Variants in ZSCAN2 observed in about 807,000 individuals in gnomAD.
The protein encoded by ZSCAN2 is zinc finger and SCAN domain-containing protein 2.
ZSCAN2 carries 26 observed loss-of-function variants against 47.8 expected under a neutral mutation model. The ratio of observed to expected loss-of-function variants is 0.54; its 90% CI spans 0.40 to 0.75. The LOEUF is 0.75. Ranked by LOEUF, ZSCAN2 falls within the 30% of genes least tolerant of loss-of-function variation. The pLI, the probability that ZSCAN2 is intolerant of heterozygous loss-of-function variation, is 0.00. For synonymous variants in ZSCAN2, 305 were observed against 288.7 expected (o/e 1.06, Z -0.57); for missense variants, 732 against 785.4 (o/e 0.93, Z 0.81).
intron 2 of ZSCAN2, among the ~76,000 whole-genome samples, chr15:84,609,961 GAA>G (rs1284448579): frequency 6.6e-6 from 1 of 152,246 alleles, no homozygotes; most frequent in Non-Finnish European, 1.5e-5. Context: ...GTGCGGGAGA[GAA>G]AGAGGAGGCC....
intron 1 of ZSCAN2, chr15:84,602,082 T>C (rs1001339457): frequency 6.6e-6 from 1 of 151,450 alleles, no homozygotes; most frequent in Non-Finnish European, 1.5e-5. Context: ...GCCTCCGGAG[T>C]AGCTGGGATT....
At chr15:84,605,212 C>T (rs1017436486) in intron 2 of ZSCAN2, among the ~76,000 whole-genome samples, 1 of 152,168 alleles carries the variant, frequency 6.6e-6, no homozygotes, top group Admixed American at 6.5e-5. Context: ...GGGATTCTGG[C>T]TTGCCGTTTA....
intron 2 of ZSCAN2, among the ~76,000 whole-genome samples, chr15:84,608,902 C>T (rs1895463613): frequency 6.6e-6 from 1 of 152,202 alleles, no homozygotes; most frequent in South Asian, 2.1e-4. Flanking sequence ...CCCGCTGAAG[C>T]AAATTTGCAT....
chr15:84,602,014 C>A (rs1895219487), intron 1 of ZSCAN2: 1 of 144,858 alleles, frequency 6.9e-6, no homozygotes, highest in Non-Finnish European at 1.5e-5. Flanking sequence ...AGTGCAATGG[C>A]CTGATCTCCG....
intron 2 of ZSCAN2, among the ~76,000 whole-genome samples, chr15:84,612,559 C>T (rs1895580973): frequency 6.6e-6 from 1 of 152,036 alleles, no homozygotes; most frequent in African/African-American, 2.4e-5. Flanking sequence ...ACGGTGAAAC[C>T]CTGTCTCTAC....
At chr15:84,601,229 T>G (rs1895191837) in intron 1 of ZSCAN2, 94 bp downstream of exon 1, 1 of 152,424 alleles carries the variant, frequency 6.6e-6, no homozygotes, top group African/African-American at 2.4e-5. Flanking sequence ...CCGGCAGCTC[T>G]GCTGGGGGAG....
chr15:84,621,279 T>C lies in ZSCAN2; in HGVS notation c.1084T>C (p.Tyr362His). 6.2e-7 allele frequency: 1 copy of C among 1,613,814 alleles called. No individual in the cohort carries two copies. Among genetic ancestry groups the C allele is most frequent in the South Asian group, 1.1e-5 (1 of 91,068 alleles). ...HQGIHTGEKP[Y>H]ECKECGESFS... ...GGGGATCCACACTGGAGAAAAGCCC[T>C]ACGAATGTAAAGAATGCGGCGAAAG... The change falls in exon 3 of 3, where the codon TAC (tyrosine) becomes CAC (histidine). Residue 362 changes from tyrosine to histidine, a missense_variant. Tyr to His is a moderately conservative substitution (Grantham distance 83). Transcript: ENST00000546148. This position sits in a 1 kb window ranked among gnomAD's most constrained non-coding sequence, Gnocchi z 5.7.
chr15:84,618,411 C>G (rs964520628), intron 2 of ZSCAN2, among the ~76,000 whole-genome samples: 50 of 152,088 alleles, frequency 3.3e-4, no homozygotes, highest in African/African-American at 1.2e-3. Flanking sequence ...AAGTGAGACT[C>G]TGTCTTAAAA....
Position 84,620,708 on chromosome 15 carries a change from C to G in ZSCAN2, c.513C>G (p.His171Gln). The G allele has an allele frequency of 6.2e-7, 1 of 1,614,238 alleles. No homozygotes were observed. Among genetic ancestry groups the G allele is most frequent in the Non-Finnish European group, 8.5e-7 (1 of 1,180,054 alleles). ...TGCCTGAAGGTGAAAGTGCTCAGCA[C>G]TCCGATGGGGAAAGTGACTTTGAGA... ...SEMPEGESAQ[H>Q]SDGESDFERD... The change falls in exon 3 of 3, where the codon CAC becomes CAG. Residue 171 changes from histidine to glutamine, a missense_variant. Physicochemically the swap from His to Gln is conservative, Grantham distance 24. Around this residue, in one of 2 missense-constraint regions of ZSCAN2, gnomAD observed 320 missense variants for 287.4 expected, o/e 1.11. Coordinates refer to ENST00000546148, the MANE Select transcript of ZSCAN2 (RefSeq NM_181877.4).
At position 84,621,941 on chromosome 15, in the gene ZSCAN2, G is replaced by A. The variant is rs1277823704; in HGVS notation, c.1746G>A (p.Gly582=). Residue 582 remains glycine (G), a synonymous_variant, in exon 3 of 3, where the codon GGG becomes GGA. Transcript: ENST00000546148. This position sits in a 1 kb window ranked among gnomAD's most constrained non-coding sequence, Gnocchi z 5.7. Reference sequence around the variant, plus strand: ...TTATACATCAGCGAATCCACACTGGGGAGAAGCCCTACAAATGCCCCGAGT... The same window carrying A: ...TTATACATCAGCGAATCCACACTGGAGAGAAGCCCTACAAATGCCCCGAGT... ...VLIIHQRIHT[G]EKPYKCPECG... The A allele has an allele frequency of 6.2e-7, 1 of 1,613,214 alleles. No individual in the cohort carries two copies. Among genetic ancestry groups the A allele is most frequent in the Non-Finnish European group, 8.5e-7 (1 of 1,179,690 alleles).
rs2141804163 is a variant in ZSCAN2 at position 84,622,787 on chromosome 15, AC to A, written c.*748del. 1 of 683,030 alleles carries A rather than the reference AC, an allele frequency of 1.5e-6. No individual in the cohort carries two copies. Among genetic ancestry groups the A allele is most frequent in the East Asian group, 2.7e-5 (1 of 36,960 alleles). 42.3% of individuals were successfully genotyped at this position (683,030 alleles called of 1,614,324 possible). On this transcript the variant is annotated 3_prime_UTR_variant, in exon 3 of 3. Coordinates refer to ENST00000546148, the MANE Select transcript of ZSCAN2 (RefSeq NM_181877.4). ...TCAGTGCTTGCTTTTGTCTCTGCCT[AC>A]TGTCCTGTGGTAGATCAGCTACCAG...
intron 2 of ZSCAN2, among the ~76,000 whole-genome samples, chr15:84,609,518 T>C (rs759470911): frequency 5.9e-5 from 9 of 152,276 alleles, no homozygotes; most frequent in East Asian, 1.9e-4. Context: ...CTCAAATGTT[T>C]GAAAAGTATA....
At chr15:84,604,876 T>TA (rs1895332995) in intron 2 of ZSCAN2, among the ~76,000 whole-genome samples, 1 of 151,990 alleles carries the variant, frequency 6.6e-6, no homozygotes, top group Non-Finnish European at 1.5e-5. Context: ...TAGCTGGAAT[T>TA]ACAGGCGTGC....
At chr15:84,603,348 T>C (rs1387581280) in intron 1 of ZSCAN2, among the ~76,000 whole-genome samples, 5 of 151,906 alleles carry the variant, frequency 3.3e-5, no homozygotes, top group African/African-American at 1.2e-4. Context: ...AACAATGCTG[T>C]ATTTTTTGTG....
chr15:84,603,980 A>C lies in ZSCAN2; in HGVS notation c.53A>C (p.Gln18Pro). The change falls in exon 2 of 3, where the codon CAG (glutamine) becomes CCG (proline). Residue 18 changes from glutamine (Q) to proline (P), a missense_variant. Around this residue, in one of 2 missense-constraint regions of ZSCAN2, gnomAD observed 320 missense variants for 287.4 expected, o/e 1.11. Coordinates refer to ENST00000546148, the MANE Select transcript of ZSCAN2 (RefSeq NM_181877.4). ...RVTTPLSSLVQVPQEEDRQEE... is the reference protein window; with the variant it reads ...RVTTPLSSLVPVPQEEDRQEE... ...ACCACTCCGCTGAGCTCCTTGGTCC[A>C]GGTGCCTCAAGAGGAAGATAGACAG... The C allele has an allele frequency of 6.2e-7, 1 of 1,613,982 alleles. No individual in the cohort carries two copies. Among genetic ancestry groups the C allele is most frequent in the South Asian group, 1.1e-5 (1 of 91,080 alleles).
At chr15:84,605,731 G>C (rs1367184144) in intron 2 of ZSCAN2, among the ~76,000 whole-genome samples, 1 of 152,246 alleles carries the variant, frequency 6.6e-6, no homozygotes, top group Non-Finnish European at 1.5e-5. Context: ...AGGGGCAGGA[G>C]AGCAGCCAGG....
Position 84,621,230 on chromosome 15 carries a change from C to T in ZSCAN2, c.1035C>T (p.Asn345=), listed in dbSNP as rs764230064. 12 of 1,613,718 alleles carry T rather than the reference C, an allele frequency of 7.4e-6. No homozygotes were observed. The highest frequency in any genetic ancestry group is 3.4e-6 in the Non-Finnish European group (4 of 1,179,942). Reference sequence around the variant, plus strand: ...CCGAGTGTGGAAAGAGCTTTGGCAACCGATCCAGCCTTAACACGCATCAGG... The same window carrying T: ...CCGAGTGTGGAAAGAGCTTTGGCAATCGATCCAGCCTTAACACGCATCAGG... The part of the protein sequence containing the change: ...SCPECGKSFG[N]RSSLNTHQGI... The change falls in exon 3 of 3, where the codon AAC becomes AAT. Residue 345 remains asparagine, a synonymous_variant. Transcript: ENST00000546148. The surrounding 1 kb of genome is among the most constrained non-coding windows in gnomAD (Gnocchi z 5.7).
At chr15:84,604,687 C>A (rs976356405) in intron 2 of ZSCAN2, among the ~76,000 whole-genome samples, 2 of 151,326 alleles carry the variant, frequency 1.3e-5, no homozygotes, top group African/African-American at 4.9e-5. Context: ...ATGGTTCTTG[C>A]AATTAGAGAA....
intron 2 of ZSCAN2, among the ~76,000 whole-genome samples, chr15:84,605,218 G>T (rs773343421): frequency 6.6e-6 from 1 of 152,134 alleles, no homozygotes; most frequent in Admixed American, 6.6e-5. Context: ...CTGGCTTGCC[G>T]TTTAACCGCT....
Sources: allele counts gnomAD v4.1 joint callset (sites outside exome capture counted in the v4.1 genomes callset), GRCh38; gene constraint gnomAD v4.1.1; regional missense constraint gnomAD v4.1.1; non-coding constraint Gnocchi (gnomAD v3.1); transcripts MANE v1.5; gene names NCBI Gene and HGNC (gene_info 2026-07-23, HGNC 2026-07-21).